PRKAG2: variants seen among roughly 807,000 people sequenced by gnomAD.
PRKAG2 encodes the protein protein kinase AMP-activated non-catalytic subunit gamma 2, also known as 5'-AMP-activated protein kinase subunit gamma-2.
PRKAG2 carries 26 observed loss-of-function variants against 69.6 expected under a neutral mutation model. That is an observed-to-expected ratio of 0.37 (90% CI 0.27 to 0.52). The LOEUF is 0.52. PRKAG2 is among the 20% of genes least tolerant of loss of function. The probability of loss-of-function intolerance (pLI) is 0.90; values close to 1 mark genes in which losing one functional copy is unlikely to be tolerated. For missense variants in PRKAG2, 557 were observed against 740.0 expected (o/e 0.75, Z 2.87); for synonymous variants, 293 against 285.0 (o/e 1.03, Z -0.28).
At position 151,765,307 on chromosome 7, in the gene PRKAG2, T is replaced by C. The variant is rs563413696; in HGVS notation, c.466+15845A>G. Among the ~76,000 whole-genome samples, 5 of 152,128 alleles carry C rather than the reference T, an allele frequency of 3.3e-5. No homozygotes were observed. In the South Asian group the frequency reaches 1.0e-3, roughly 32 times the overall value. ...CAGGAAGGAAAGAGTGAAGGGGAAG[T>C]GCTACACACTTTTCAACAACCAGAT... On this transcript the variant is annotated intron_variant, in intron 3 of 15. Coordinates refer to ENST00000287878, the MANE Select transcript of PRKAG2 (RefSeq NM_016203.4).
At chr7:151,586,287 C>T (rs574381443) in intron 6 of PRKAG2, among the ~76,000 whole-genome samples, 3 of 151,994 alleles carry the variant, frequency 2.0e-5, no homozygotes, top group East Asian at 3.9e-4. Context: ...ATGGCACGGC[C>T]GTCTACGCAA....
intron 5 of PRKAG2, among the ~76,000 whole-genome samples, chr7:151,630,391 A>G (rs1172871411): frequency 6.6e-6 from 1 of 152,210 alleles, no homozygotes; most frequent in African/African-American, 2.4e-5. Context: ...ATTCAGTACA[A>G]TGCTTAATGG....
Position 151,777,314 on chromosome 7 carries a change from G to A in PRKAG2, c.466+3838C>T, listed in dbSNP as rs557933764. On this transcript the variant is annotated intron_variant, in intron 3 of 15. Transcript: ENST00000287878. The surrounding 1 kb of genome is among the most constrained non-coding windows in gnomAD (Gnocchi z 4.3). ...TGCTGGGACCCGCTGAGATCCAGAGGGGCTGGGAGTCTTGGATCCACCTCT... is the reference window on the plus strand; with the variant it reads ...TGCTGGGACCCGCTGAGATCCAGAGAGGCTGGGAGTCTTGGATCCACCTCT... 3.9e-5 allele frequency among the ~76,000 whole-genome samples: 6 copies of A among 152,330 alleles called. No homozygotes were observed. The highest frequency in any genetic ancestry group is 1.3e-4 in the Admixed American group (2 of 15,298).
At chr7:151,558,173 T>C in intron 15 of PRKAG2, 1 of 985,472 alleles carries the variant, frequency 1.0e-6, no homozygotes, top group East Asian at 1.1e-4. Flanking sequence ...GACAATGAAC[T>C]GTTGCTAAAA....
chr7:151,867,477 G>A (rs1429358131), intron 1 of PRKAG2, among the ~76,000 whole-genome samples: 1 of 152,156 alleles, frequency 6.6e-6, no homozygotes, highest in Non-Finnish European at 1.5e-5. Flanking sequence ...CGCCCTCACA[G>A]GCCTTCTTGC....
chr7:151,633,792 T>C (rs986872168), intron 4 of PRKAG2, among the ~76,000 whole-genome samples: 1 of 152,114 alleles, frequency 6.6e-6, no homozygotes, highest in African/African-American at 2.4e-5. Context: ...AGCCCCAACA[T>C]AGTAAAAATG....
At chr7:151,773,904 G>A (rs986404999) in intron 3 of PRKAG2, among the ~76,000 whole-genome samples, 3 of 152,172 alleles carry the variant, frequency 2.0e-5, no homozygotes, top group Non-Finnish European at 4.4e-5. Context: ...GGTCTCTGTT[G>A]CACCTGCTCA....
intron 3 of PRKAG2, among the ~76,000 whole-genome samples, chr7:151,755,957 C>T (rs939738993): frequency 4.6e-5 from 7 of 152,174 alleles, no homozygotes; most frequent in South Asian, 2.1e-4. Context: ...CAGGAGGCTG[C>T]GGGGCCCTCC....
intron 4 of PRKAG2, among the ~76,000 whole-genome samples, chr7:151,654,081 T>C (rs1301446700): frequency 6.6e-6 from 1 of 151,770 alleles, no homozygotes; most frequent in Non-Finnish European, 1.5e-5. Flanking sequence ...TCTTTGTGTT[T>C]TATAGATGCT....
intron 1 of PRKAG2, among the ~76,000 whole-genome samples, chr7:151,792,981 T>C (rs1041396857): frequency 1.3e-5 from 2 of 152,194 alleles, no homozygotes; most frequent in African/African-American, 4.8e-5. Context: ...TGATCTGCGA[T>C]CTGGGGAATC....
At chr7:151,612,276 C>T (rs1819061315) in intron 5 of PRKAG2, among the ~76,000 whole-genome samples, 2 of 152,172 alleles carry the variant, frequency 1.3e-5, no homozygotes, top group South Asian at 2.1e-4. Flanking sequence ...GCAGAGTGAG[C>T]GTCAGCTACC....
intron 1 of PRKAG2, among the ~76,000 whole-genome samples, chr7:151,870,623 C>T (rs1220930531): frequency 6.6e-6 from 1 of 152,202 alleles, no homozygotes; most frequent in Non-Finnish European, 1.5e-5. Flanking sequence ...CGGTTCGATC[C>T]TCCAGCCCCG....
chr7:151,687,986 T>C (rs932161829), intron 3 of PRKAG2, among the ~76,000 whole-genome samples: 24 of 141,264 alleles, frequency 1.7e-4, no homozygotes, highest in African/African-American at 6.1e-4. Context: ...AGGCCAAGAC[T>C]TGGCACTTTG....
chr7:151,659,522 A>T (rs993046476), intron 4 of PRKAG2, among the ~76,000 whole-genome samples: 14 of 152,258 alleles, frequency 9.2e-5, no homozygotes, highest in African/African-American at 3.4e-4. Context: ...CACCACGCAG[A>T]TATCTTAACA....
intron 6 of PRKAG2, among the ~76,000 whole-genome samples, chr7:151,584,260 C>G (rs1052361144): frequency 2.6e-5 from 4 of 152,134 alleles, no homozygotes; most frequent in Non-Finnish European, 5.9e-5. Flanking sequence ...ATAAAACAGA[C>G]ATAGGAACAT....
chr7:151,791,788 T>C (rs2077283435), intron 1 of PRKAG2, among the ~76,000 whole-genome samples: 1 of 152,216 alleles, frequency 6.6e-6, no homozygotes, highest in African/African-American at 2.4e-5. Context: ...AAGCCAAAAG[T>C]CTATCACAAA....
rs577950892 is a variant in PRKAG2 at position 151,852,578 on chromosome 7, G to A, written c.114+23929C>T. On this transcript the variant is annotated intron_variant, in intron 1 of 15. Transcript: ENST00000287878. ...CCTCAGTGTAGACCACAGACCTGTA[G>A]GGGGGCATGTGGTAAGCACCCCATT... Among the ~76,000 whole-genome samples the A allele has an allele frequency of 1.2e-3, 183 of 152,132 alleles. 5 individuals are homozygous for A. In the South Asian group the frequency reaches 0.032, roughly 27 times the overall value.
chr7:151,765,967 C>A (rs1364191138), intron 3 of PRKAG2, among the ~76,000 whole-genome samples: 1 of 152,190 alleles, frequency 6.6e-6, no homozygotes, highest in African/African-American at 2.4e-5. Flanking sequence ...ACCTTCCTAA[C>A]GTTGACAGGT....
chr7:151,648,363 C>T (rs1787559455), intron 4 of PRKAG2, among the ~76,000 whole-genome samples: 1 of 152,144 alleles, frequency 6.6e-6, no homozygotes, highest in South Asian at 2.1e-4. Flanking sequence ...AACGTTCATC[C>T]TTGTACCGCC....
Sources: allele counts gnomAD v4.1 joint callset (sites outside exome capture counted in the v4.1 genomes callset), GRCh38; gene constraint gnomAD v4.1.1; non-coding constraint Gnocchi (gnomAD v3.1); transcripts MANE v1.5; gene names NCBI Gene and HGNC (gene_info 2026-07-23, HGNC 2026-07-21).